The following AJAP1 variants were observed in gnomAD, a reference collection of about 807,000 sequenced individuals.
AJAP1 encodes adherens junctions associated protein 1.
In AJAP1, 5 loss-of-function variants were observed where a neutral mutation model predicts 35.0. The ratio of observed to expected loss-of-function variants is 0.14; its 90% CI spans 0.07 to 0.30. AJAP1 has a LOEUF of 0.30. Among genes scored for constraint, AJAP1 ranks in the 10% least tolerant of loss-of-function variants. AJAP1 has a pLI of 1.00. For synonymous variants in AJAP1, 284 were observed against 249.3 expected (o/e 1.14, Z -1.31); for missense variants, 586 against 571.0 (o/e 1.03, Z -0.27).
intron 2 of AJAP1, 82 bp downstream of exon 2, chr1:4,712,781 C>G (rs1357290574): frequency 7.2e-6 from 10 of 1,381,164 alleles, no homozygotes; most frequent in Non-Finnish European, 9.7e-6. Flanking sequence ...TTAGATGTCC[C>G]TGGGTGATGC....
At chr1:4,722,417 T>G (rs1488205954) in intron 2 of AJAP1, among the ~76,000 whole-genome samples, 1 of 152,234 alleles carries the variant, frequency 6.6e-6, no homozygotes, top group East Asian at 1.9e-4. Context: ...GCTCTAGTCC[T>G]AGACATTCCG....
intron 2 of AJAP1, among the ~76,000 whole-genome samples, chr1:4,753,389 T>C (rs2100335842): frequency 6.6e-6 from 1 of 152,312 alleles, no homozygotes; most frequent in African/African-American, 2.4e-5. Flanking sequence ...CCAAGGCTGA[T>C]TGCACAGGAA....
chr1:4,746,202 C>A (rs943484357), intron 2 of AJAP1, among the ~76,000 whole-genome samples: 2 of 152,128 alleles, frequency 1.3e-5, no homozygotes, highest in Non-Finnish European at 2.9e-5. Flanking sequence ...CTGCATCTCC[C>A]CAGTCTCTGC....
chr1:4,712,648 A>G lies in AJAP1; in HGVS notation c.778A>G (p.Ser260Gly), dbSNP rs1200789156. Residue 260 changes from serine (S) to glycine (G), a missense_variant, in exon 2 of 6, where the codon AGC becomes GGC. Physicochemically the swap from Ser to Gly is moderately conservative, Grantham distance 56. Transcript: ENST00000378191. ...VSTTEPSTSP[S>G]NNGEVTQPPR... ...CACAACGGAGCCTTCCACCAGTCCC[A>G]GCAACAACGGGGAAGTCACCCAGCC... 6.5e-7 allele frequency: 1 copy of G among 1,547,528 alleles called. No homozygotes were observed. Among genetic ancestry groups the G allele is most frequent in the Non-Finnish European group, 8.8e-7 (1 of 1,142,464 alleles).
chr1:4,677,941 G>A (rs1639397411), intron 1 of AJAP1, among the ~76,000 whole-genome samples: 1 of 152,176 alleles, frequency 6.6e-6, no homozygotes, highest in Non-Finnish European at 1.5e-5. Flanking sequence ...TGCTTGTTAT[G>A]TTCATGAGTA....
At chr1:4,757,409 C>T (rs954687686) in intron 2 of AJAP1, among the ~76,000 whole-genome samples, 2 of 152,200 alleles carry the variant, frequency 1.3e-5, no homozygotes, top group East Asian at 1.9e-4. Context: ...CTCAGTCTCC[C>T]GTGGGCTGGG....
chr1:4,745,508 G>A (rs2100323501), intron 2 of AJAP1, among the ~76,000 whole-genome samples: 1 of 152,290 alleles, frequency 6.6e-6, no homozygotes, highest in East Asian at 1.9e-4. Context: ...GGGGGCCTGG[G>A]GTTTTAAGCC....
At chr1:4,677,532 G>A (rs2100523835) in intron 1 of AJAP1, among the ~76,000 whole-genome samples, 1 of 151,990 alleles carries the variant, frequency 6.6e-6, no homozygotes, top group African/African-American at 2.4e-5. Context: ...CTCTCTCTGG[G>A]TCCACTCTGT....
chr1:4,701,687 A>G (rs1203866305), intron 1 of AJAP1, among the ~76,000 whole-genome samples: 1 of 152,176 alleles, frequency 6.6e-6, no homozygotes. Flanking sequence ...ATATTGCCAA[A>G]TGTCCCCTGA....
Position 4,783,503 on chromosome 1 carries a change from A to ATG in AJAP1, c.*1019_*1020insGT, listed in dbSNP as rs1642108741. Reference sequence around the variant, plus strand: ...TATATATATATATATATATATATATATATATATGTTTGTGTGTGTATATAT... The same window carrying ATG: ...TATATATATATATATATATATATATATGTATATATGTTTGTGTGTGTATATAT... On this transcript the variant is annotated 3_prime_UTR_variant, in exon 6 of 6. Transcript: ENST00000378191. The ATG allele has an allele frequency of 4.8e-5, 6 of 123,770 alleles. No homozygotes were observed. Among genetic ancestry groups the ATG allele is most frequent in the Admixed American group, 4.1e-4 (5 of 12,312 alleles). The allele number at this position is 123,770 out of a possible 1,614,324, so 7.7% of individuals were successfully genotyped here. A position where few individuals can be genotyped will look rare whatever the true frequency, so the allele number is the denominator to read the frequency against.
At chr1:4,766,233 G>T (rs899896796) in intron 2 of AJAP1, among the ~76,000 whole-genome samples, 1 of 152,152 alleles carries the variant, frequency 6.6e-6, no homozygotes, top group Non-Finnish European at 1.5e-5. Flanking sequence ...TGCTACAATG[G>T]TAGAGTTGAG....
intron 2 of AJAP1, among the ~76,000 whole-genome samples, chr1:4,765,118 A>G (rs1641651681): frequency 6.6e-6 from 1 of 152,242 alleles, no homozygotes; most frequent in Non-Finnish European, 1.5e-5. Flanking sequence ...AAAAGCCCCC[A>G]AATTAGCAGA....
At chr1:4,690,097 G>A (rs1236601861) in intron 1 of AJAP1, among the ~76,000 whole-genome samples, 6 of 152,172 alleles carry the variant, frequency 3.9e-5, no homozygotes, top group Admixed American at 3.3e-4. Context: ...ACAAGACTCA[G>A]TGCCTGCCCT....
chr1:4,788,049 C>T lies in AJAP1; in HGVS notation c.*5564C>T, dbSNP rs140787955. On this transcript the variant is annotated 3_prime_UTR_variant, in exon 6 of 6. Transcript: ENST00000378191. ...AAATAGCACAGCCCACATAAATGAG[C>T]GAAACTCATCATCTGAGGATCTTTG... The T allele has an allele frequency of 0.011, 2,744 of 255,934 alleles. 186 individuals are homozygous for T. The highest frequency in any genetic ancestry group is 0.099 in the South Asian group (2,624 of 26,634). 15.9% of individuals were successfully genotyped at this position (255,934 alleles called of 1,614,324 possible).
Position 4,788,564 on chromosome 1 carries a change from A to G in AJAP1, c.*6079A>G, listed in dbSNP as rs1642205510. On this transcript the variant is annotated 3_prime_UTR_variant, in exon 6 of 6. Transcript: ENST00000378191. ...GCTGAAGGGCCCTTGGGAACATGGG[A>G]ACATTTGCACTTTGTCAGAGGAGTG... is the stretch of plus-strand genomic sequence containing the variant. The G allele has an allele frequency of 6.6e-6, 1 of 152,214 alleles. No homozygotes were observed. Among genetic ancestry groups the G allele is most frequent in the Non-Finnish European group, 1.5e-5 (1 of 68,082 alleles). The allele number at this position is 152,214 out of a possible 1,614,324, so 9.4% of individuals were successfully genotyped here.
intron 2 of AJAP1, among the ~76,000 whole-genome samples, chr1:4,732,529 T>C (rs767909420): frequency 2.0e-5 from 3 of 152,252 alleles, no homozygotes; most frequent in Non-Finnish European, 4.4e-5. Context: ...GAGGCCCAAC[T>C]TGGGCTCCTT....
intron 2 of AJAP1, among the ~76,000 whole-genome samples, chr1:4,753,615 C>T (rs993760735): frequency 1.9e-4 from 29 of 152,102 alleles, no homozygotes; most frequent in Admixed American, 1.4e-3. Flanking sequence ...TCTTGTCACC[C>T]GGGCTGGAGT....
At chr1:4,690,792 G>T (rs1176558496) in intron 1 of AJAP1, among the ~76,000 whole-genome samples, 3 of 152,198 alleles carry the variant, frequency 2.0e-5, no homozygotes, top group Admixed American at 1.3e-4. Context: ...GACCATTTCT[G>T]CCAGGAGGGA....
At chr1:4,696,371 C>T (rs778489534) in intron 1 of AJAP1, among the ~76,000 whole-genome samples, 15 of 152,290 alleles carry the variant, frequency 9.8e-5, no homozygotes, top group African/African-American at 2.9e-4. Context: ...CTTCCGGATG[C>T]GATGATCTCA....
Sources: gnomAD v4.1 joint callset for allele counts (sites outside exome capture counted in the v4.1 genomes callset) on GRCh38, gnomAD v4.1.1 for gene constraint, MANE v1.5 for transcripts, NCBI Gene and HGNC (gene_info 2026-07-23, HGNC 2026-07-21) for gene names.